The following NAALADL2 variants were observed in gnomAD, a reference collection of about 807,000 sequenced individuals.
NAALADL2 encodes inactive N-acetylated-alpha-linked acidic dipeptidase-like protein 2.
A neutral mutation model predicts 87.2 loss-of-function variants in NAALADL2; 76 were observed. That is an observed-to-expected ratio of 0.87 (90% CI 0.72 to 1.05). NAALADL2 has a LOEUF of 1.05. Ranked by LOEUF, NAALADL2 falls within the 50% of genes least tolerant of loss-of-function variation. The pLI is 0.00. For missense variants in NAALADL2, 1,089 were observed against 945.8 expected (o/e 1.15, Z -1.99); for synonymous variants, 354 against 331.0 (o/e 1.07, Z -0.75).
intron 3 of NAALADL2, among the ~76,000 whole-genome samples, chr3:174,759,544 AT>A (rs1712619062): frequency 6.6e-6 from 1 of 152,194 alleles, no homozygotes; most frequent in African/African-American, 2.4e-5. Flanking sequence ...AATTATTTGT[AT>A]TATACACTTT....
chr3:174,947,859 A>C (rs1371959135), intron 1 of NAALADL2, among the ~76,000 whole-genome samples: 1 of 152,092 alleles, frequency 6.6e-6, no homozygotes, highest in Non-Finnish European at 1.5e-5. Context: ...ACTTGCACTG[A>C]GCTTTATTTT....
rs1370431204 is a variant in NAALADL2 at position 174,558,109 on chromosome 3, G to A, written c.-115+7472G>A. On this transcript the variant is annotated intron_variant, in intron 2 of 3. Coordinates refer to the NAALADL2 transcript ENST00000434257. ...TATGCAATCAGTTTAGGCACAGTGA[G>A]CCCACTCCTTCAAGTTCTAAGAATA... Among the ~76,000 whole-genome samples, 9 of 152,132 alleles carry A rather than the reference G, an allele frequency of 5.9e-5. No individual in the cohort carries two copies. The South Asian group carries it at 6.2e-4, about 10-fold the overall frequency.
chr3:175,419,225 G>C (rs575634241), intron 5 of NAALADL2, among the ~76,000 whole-genome samples: 162 of 150,964 alleles, frequency 1.1e-3, no homozygotes, highest in South Asian at 6.5e-3. Context: ...ATATGACAAG[G>C]GTTTTTGAAA....
At chr3:175,186,516 A>G (rs1394947823) in intron 2 of NAALADL2, among the ~76,000 whole-genome samples, 1 of 152,140 alleles carries the variant, frequency 6.6e-6, no homozygotes, top group Admixed American at 6.5e-5. Context: ...CCAGGATTAG[A>G]AAGTAGCGAC....
chr3:175,463,902 T>C (rs1240122520), intron 7 of NAALADL2, among the ~76,000 whole-genome samples: 1 of 152,232 alleles, frequency 6.6e-6, no homozygotes, highest in Non-Finnish European at 1.5e-5. Flanking sequence ...TTCTTTTTCC[T>C]CACTGCAGCC....
intron 13 of NAALADL2, among the ~76,000 whole-genome samples, chr3:175,770,575 T>G (rs577539153): frequency 6.6e-6 from 1 of 152,314 alleles, no homozygotes; most frequent in African/African-American, 2.4e-5. Context: ...AATCTACTCT[T>G]TATGCAATAA....
chr3:175,045,270 T>C (rs1315482741), intron 1 of NAALADL2, among the ~76,000 whole-genome samples: 1 of 152,180 alleles, frequency 6.6e-6, no homozygotes, highest in Non-Finnish European at 1.5e-5. Flanking sequence ...CCCGAAGACA[T>C]GAATGTCCTT....
At chr3:175,774,726 GTT>G (rs1749984800) in intron 13 of NAALADL2, among the ~76,000 whole-genome samples, 1 of 152,036 alleles carries the variant, frequency 6.6e-6, no homozygotes, top group Admixed American at 6.6e-5. Context: ...ATGAAATGTA[GTT>G]AGTGAAAATT....
intron 1 of NAALADL2, among the ~76,000 whole-genome samples, chr3:175,003,842 T>G (rs899303024): frequency 6.6e-6 from 1 of 152,188 alleles, no homozygotes; most frequent in Admixed American, 6.5e-5. Context: ...ATGGGCTTGC[T>G]GAAGGACTAG....
At chr3:174,916,577 A>G (rs1734427439) in intron 1 of NAALADL2, among the ~76,000 whole-genome samples, 1 of 152,094 alleles carries the variant, frequency 6.6e-6, no homozygotes, top group Admixed American at 6.6e-5. Context: ...ACTTGGATGG[A>G]GCTAGAGGCC....
At chr3:175,504,763 T>C (rs1019232968) in intron 9 of NAALADL2, among the ~76,000 whole-genome samples, 6 of 152,120 alleles carry the variant, frequency 3.9e-5, no homozygotes, top group Non-Finnish European at 8.8e-5. Flanking sequence ...TTAGTGACCA[T>C]GGACAAAAAC....
At chr3:175,344,134 G>C (rs1290475523) in intron 5 of NAALADL2, among the ~76,000 whole-genome samples, 1 of 152,030 alleles carries the variant, frequency 6.6e-6, no homozygotes. Context: ...TTCTACTAGC[G>C]GTGAAGTAAG....
chr3:174,893,475 A>T lies in NAALADL2; in HGVS notation c.43+34025A>T, dbSNP rs544862508. Among the ~76,000 whole-genome samples the T allele has an allele frequency of 1.3e-4, 20 of 152,294 alleles. No homozygotes were observed. In the South Asian group the frequency reaches 2.7e-3, roughly 21 times the overall value. ...AAGACTAAATGAGGAACCAATCAAA[A>T]ATAATAGCTACAACAACTTTTCAAG... is the stretch of plus-strand genomic sequence containing the variant. On this transcript the variant is annotated intron_variant, in intron 1 of 13. Transcript: ENST00000454872.
chr3:175,035,109 C>T (rs1753252442), intron 1 of NAALADL2, among the ~76,000 whole-genome samples: 1 of 152,140 alleles, frequency 6.6e-6, no homozygotes. Flanking sequence ...CGACCAACTC[C>T]TCTTTATAAC....
intron 13 of NAALADL2, among the ~76,000 whole-genome samples, chr3:175,794,060 A>G (rs1384487577): frequency 2.6e-5 from 4 of 152,210 alleles, no homozygotes; most frequent in African/African-American, 9.6e-5. Context: ...TGACCTGACC[A>G]TTACTGTTTG....
chr3:175,374,553 G>GAAAAAAAAAAAAAA (rs765485400), intron 5 of NAALADL2, among the ~76,000 whole-genome samples: 1 of 45,394 alleles, frequency 2.2e-5, no homozygotes. Flanking sequence ...TGCATCTCCA[G>GAAAAAAAAAAAAAA]AAAAAAAAAA....
chr3:174,614,455 T>G (rs992850400), intron 2 of NAALADL2, among the ~76,000 whole-genome samples: 4 of 152,154 alleles, frequency 2.6e-5, no homozygotes, highest in Non-Finnish European at 5.9e-5. Flanking sequence ...CGGTCTAGTT[T>G]TGCTTTCTTC....
chr3:175,455,615 C>T (rs1162148275), intron 6 of NAALADL2, among the ~76,000 whole-genome samples: 1 of 152,012 alleles, frequency 6.6e-6, no homozygotes, highest in Non-Finnish European at 1.5e-5. Context: ...TGAATACTTG[C>T]ACATATGGAT....
chr3:175,230,526 C>T (rs891001896), intron 2 of NAALADL2, among the ~76,000 whole-genome samples: 1 of 151,968 alleles, frequency 6.6e-6, no homozygotes, highest in East Asian at 1.9e-4. Flanking sequence ...AAGCTCCTCA[C>T]TGGTAATCAT....
Sources: allele counts gnomAD v4.1 joint callset (sites outside exome capture counted in the v4.1 genomes callset), GRCh38; gene constraint gnomAD v4.1.1; transcripts MANE v1.5; gene names NCBI Gene and HGNC (gene_info 2026-07-23, HGNC 2026-07-21).